The following RHOG variants were observed in gnomAD, a reference collection of about 807,000 sequenced individuals.
RHOG encodes ras homolog family member G.
A neutral mutation model predicts 12.3 loss-of-function variants in RHOG; 1 was observed. That is an observed-to-expected ratio of 0.08 (90% CI 0.03 to 0.39). The LOEUF (loss-of-function observed/expected upper bound fraction) is 0.39. Ranked by LOEUF, RHOG falls within the 10% of genes least tolerant of loss-of-function variation. RHOG has a pLI of 0.99. For missense variants in RHOG, 114 were observed against 266.2 expected (o/e 0.43, Z 3.98); for synonymous variants, 129 against 116.0 (o/e 1.11, Z -0.72).
chr11:3,836,372 A>C (rs1345000184), intron 1 of RHOG, among the ~76,000 whole-genome samples: 2 of 97,030 alleles, frequency 2.1e-5, no homozygotes, highest in Non-Finnish European at 5.2e-5. Context: ...AAAAAAAAAA[A>C]AGAAAGAAAA....
At chr11:3,831,838 T>C (rs1235423390) in intron 1 of RHOG, among the ~76,000 whole-genome samples, 4 of 152,074 alleles carry the variant, frequency 2.6e-5, no homozygotes, top group African/African-American at 9.7e-5. Context: ...ACAGTATGAC[T>C]GAAAAGCCCA....
intron 1 of RHOG, 64 bp from the exon 2 acceptor site, chr11:3,828,270 TG>T: frequency 2.6e-6 from 2 of 781,478 alleles, no homozygotes; most frequent in East Asian, 2.7e-5. Context: ...GAAGAAAAGA[TG>T]GGGGCACACA....
chr11:3,834,666 G>A (rs569476428), intron 1 of RHOG, among the ~76,000 whole-genome samples: 2 of 152,350 alleles, frequency 1.3e-5, no homozygotes, highest in East Asian at 1.9e-4. Flanking sequence ...ACCCAGTGGG[G>A]CCTGGCCTTG....
chr11:3,836,902 C>CAAA (rs57344316), intron 1 of RHOG, among the ~76,000 whole-genome samples: 2 of 29,252 alleles, frequency 6.8e-5, no homozygotes, highest in African/African-American at 3.8e-4. Flanking sequence ...GACTCCATCT[C>CAAA]AAAAAAAAAA....
intron 1 of RHOG, among the ~76,000 whole-genome samples, chr11:3,831,784 G>T (rs2090130485): frequency 6.6e-6 from 1 of 152,184 alleles, no homozygotes; most frequent in Non-Finnish European, 1.5e-5. Flanking sequence ...GAACTCCTGG[G>T]CCTGTAATCT....
At chr11:3,837,225 G>C (rs1188164957) in intron 1 of RHOG, among the ~76,000 whole-genome samples, 5 of 152,100 alleles carry the variant, frequency 3.3e-5, no homozygotes, top group Non-Finnish European at 7.4e-5. Flanking sequence ...GGCCTGAGGG[G>C]GTTTCCACAA....
chr11:3,833,009 T>A (rs927032429), intron 1 of RHOG, among the ~76,000 whole-genome samples: 9 of 151,774 alleles, frequency 5.9e-5, no homozygotes, highest in African/African-American at 1.9e-4. Flanking sequence ...TCCCTGTGAG[T>A]AGCCACTGCA....
intron 1 of RHOG, among the ~76,000 whole-genome samples, chr11:3,831,699 A>T (rs1463953791): frequency 6.6e-6 from 1 of 152,222 alleles, no homozygotes; most frequent in Non-Finnish European, 1.5e-5. Flanking sequence ...ATGAACTAAG[A>T]CTTAAAGCTC....
At chr11:3,837,208 C>T (rs547398062) in intron 1 of RHOG, among the ~76,000 whole-genome samples, 2 of 152,278 alleles carry the variant, frequency 1.3e-5, no homozygotes, top group African/African-American at 2.4e-5. Context: ...CCTTTAGCCC[C>T]GCCCGAGGCC....
At chr11:3,839,976 AG>A (rs1230779380) in intron 1 of RHOG, among the ~76,000 whole-genome samples, 3 of 152,260 alleles carry the variant, frequency 2.0e-5, no homozygotes, top group Admixed American at 1.3e-4. Context: ...AGAGACTGGA[AG>A]GGATGAGAAG....
chr11:3,831,372 C>T (rs1398330235), intron 1 of RHOG, among the ~76,000 whole-genome samples: 1 of 152,102 alleles, frequency 6.6e-6, no homozygotes, highest in African/African-American at 2.4e-5. Flanking sequence ...CTCTGGTTCA[C>T]ATTAAAAAAT....
intron 1 of RHOG, among the ~76,000 whole-genome samples, chr11:3,828,646 C>T (rs1422074112): frequency 8.8e-6 from 1 of 113,788 alleles, no homozygotes; most frequent in Non-Finnish European, 1.7e-5. Context: ...TTTTTTGAGA[C>T]AGAGTCTCAC....
At chr11:3,828,725 G>A (rs998995396) in intron 1 of RHOG, among the ~76,000 whole-genome samples, 2 of 147,792 alleles carry the variant, frequency 1.4e-5, no homozygotes, top group African/African-American at 2.5e-5. Context: ...CTGGGTTCAC[G>A]CCATTCTGCC....
chr11:3,839,585 G>A (rs1034065540), intron 1 of RHOG, among the ~76,000 whole-genome samples: 4 of 123,636 alleles, frequency 3.2e-5, no homozygotes, highest in African/African-American at 1.0e-4. Context: ...AGACACGCGC[G>A]TGCGAACACA....
chr11:3,829,422 T>C lies in RHOG; in HGVS notation c.-68-1216A>G, dbSNP rs145172140. Among the ~76,000 whole-genome samples, 387 of 151,866 alleles carry C rather than the reference T, an allele frequency of 2.5e-3. 1 individual carries two copies. Among genetic ancestry groups the C allele is most frequent in the African/African-American group, 9.1e-3 (378 of 41,404 alleles). On this transcript the variant is annotated intron_variant, in intron 1 of 1. Transcript: ENST00000351018. ...GGTGCCACTGCATCCGGCTAATTTT[T>C]ATATTTTTAGTAGAGATGGAGTTTC...
chr11:3,839,218 C>T (rs141656446), intron 1 of RHOG, among the ~76,000 whole-genome samples: 33 of 152,250 alleles, frequency 2.2e-4, no homozygotes, highest in African/African-American at 7.9e-4. Context: ...GACCTTCAGG[C>T]TGTCTTCCGG....
At chr11:3,831,525 G>A (rs563349641) in intron 1 of RHOG, among the ~76,000 whole-genome samples, 15 of 152,296 alleles carry the variant, frequency 9.8e-5, no homozygotes, top group East Asian at 1.9e-4. Flanking sequence ...TAGGCCAGTG[G>A]AGAGTCAAAT....
chr11:3,828,831 A>T (rs930956294), intron 1 of RHOG, among the ~76,000 whole-genome samples: 1 of 151,794 alleles, frequency 6.6e-6, no homozygotes, highest in Non-Finnish European at 1.5e-5. Context: ...CGTGTTGGCC[A>T]GGATGGTCTC....
intron 1 of RHOG, among the ~76,000 whole-genome samples, chr11:3,836,992 C>A (rs534584725): frequency 1.7e-4 from 26 of 151,994 alleles, no homozygotes; most frequent in East Asian, 5.8e-4. Context: ...CCCCCTCCCC[C>A]ACGCAGCACA....
Sources: allele counts gnomAD v4.1 joint callset (sites outside exome capture counted in the v4.1 genomes callset), GRCh38; gene constraint gnomAD v4.1.1; transcripts MANE v1.5; gene names NCBI Gene and HGNC (gene_info 2026-07-23, HGNC 2026-07-21).